CRYBG1: variants seen among roughly 807,000 people sequenced by gnomAD.
The protein encoded by CRYBG1 is crystallin beta-gamma domain containing 1, also known as beta/gamma crystallin domain-containing protein 1.
Under a neutral mutation model 189.2 loss-of-function variants are expected in CRYBG1, and 139 were observed. That is an observed-to-expected ratio of 0.73 (90% confidence interval 0.64 to 0.85). CRYBG1 has a LOEUF of 0.85. CRYBG1 is among the 40% of genes least tolerant of loss of function. The probability of loss-of-function intolerance (pLI) is 0.00; values close to 1 mark genes in which losing one functional copy is unlikely to be tolerated. For synonymous variants in CRYBG1, 1,023 were observed against 1,017.1 expected, an observed-to-expected ratio of 1.01 and a Z score of -0.11; for missense variants, 2,611 against 2,675.8, an observed-to-expected ratio of 0.98 and a Z score of 0.53.
At chr6:106,415,406 G>A (rs545762162) in intron 1 of CRYBG1, among the ~76,000 whole-genome samples, 2 of 152,148 alleles carry the variant, frequency 1.3e-5, no homozygotes, top group Non-Finnish European at 2.9e-5. Flanking sequence ...GCAGGAAATG[G>A]AACAAAAGTC....
intron 20 of CRYBG1, among the ~76,000 whole-genome samples, chr6:106,563,043 C>T (rs778800559): frequency 2.0e-5 from 3 of 152,142 alleles, no homozygotes; most frequent in Non-Finnish European, 4.4e-5. Context: ...GATCCTCTCA[C>T]CTTGGCCTCC....
chr6:106,461,029 C>T (rs111620417), intron 2 of CRYBG1, among the ~76,000 whole-genome samples: 3,638 of 152,252 alleles, frequency 0.024, 150 homozygotes, highest in African/African-American at 0.084. Context: ...TCATGATATG[C>T]CTGCCTCAGC....
At chr6:106,411,138 T>C (rs1770921230) in intron 1 of CRYBG1, among the ~76,000 whole-genome samples, 1 of 152,162 alleles carries the variant, frequency 6.6e-6, no homozygotes, top group Admixed American at 6.5e-5. Context: ...TAAGTAATGT[T>C]TGTACATGAT....
At chr6:106,522,246 C>G (rs1773626891) in intron 4 of CRYBG1, among the ~76,000 whole-genome samples, 1 of 152,232 alleles carries the variant, frequency 6.6e-6, no homozygotes, top group African/African-American at 2.4e-5. Flanking sequence ...ATCCTTCTCT[C>G]TGTGAGATTC....
chr6:106,456,874 C>T (rs932586763), intron 2 of CRYBG1, among the ~76,000 whole-genome samples: 1 of 152,150 alleles, frequency 6.6e-6, no homozygotes, highest in Non-Finnish European at 1.5e-5. Context: ...ATCCCCTGGG[C>T]CATATCTTGT....
chr6:106,524,622 A>G (rs1010225269), intron 4 of CRYBG1, among the ~76,000 whole-genome samples: 3 of 152,234 alleles, frequency 2.0e-5, no homozygotes, highest in Non-Finnish European at 4.4e-5. Flanking sequence ...AATATACCAT[A>G]TATACCATAA....
rs1554193196 is a variant in CRYBG1, at chr6:106,568,714, C to CA, written c.*149dup. 2 of 573,466 alleles carry CA rather than the reference C, an allele frequency of 3.5e-6. No individual in the cohort carries two copies. Among genetic ancestry groups the CA allele is most frequent in the African/African-American group, 3.7e-5 (2 of 53,714 alleles). 35.5% of individuals were successfully genotyped at this position (573,466 alleles called of 1,614,324 possible). On this transcript the variant is annotated 3_prime_UTR_variant, in exon 22 of 22. Transcript: ENST00000633556. ...AACCTTAAATCATGCTGCCATGACT[C>CA]AGAGAACTTACTCATCGTTTCAAAA...
At chr6:106,428,498 A>T (rs1771267900) in intron 1 of CRYBG1, among the ~76,000 whole-genome samples, 1 of 152,206 alleles carries the variant, frequency 6.6e-6, no homozygotes, top group South Asian at 2.1e-4. Context: ...GGAAACTTAT[A>T]AGAATTAAAA....
At chr6:106,566,732 C>T (rs1399079674) in intron 21 of CRYBG1, among the ~76,000 whole-genome samples, 1 of 152,152 alleles carries the variant, frequency 6.6e-6, no homozygotes, top group African/African-American at 2.4e-5. Flanking sequence ...CAGCGCCGCA[C>T]GTCCCACACC....
At chr6:106,505,059 C>T (rs1336093204) in intron 2 of CRYBG1, among the ~76,000 whole-genome samples, 1 of 151,282 alleles carries the variant, frequency 6.6e-6, no homozygotes, top group Admixed American at 6.6e-5. Flanking sequence ...AAGTGATCCT[C>T]CGGCACAGGA....
intron 3 of CRYBG1, among the ~76,000 whole-genome samples, chr6:106,517,065 A>G (rs1011286633): frequency 1.4e-5 from 2 of 139,310 alleles, no homozygotes; most frequent in Non-Finnish European, 3.0e-5. Context: ...GCTGGAGTGC[A>G]GTGGCATGAC....
intron 16 of CRYBG1, among the ~76,000 whole-genome samples, chr6:106,554,441 C>T (rs1416111776): frequency 6.6e-6 from 1 of 152,128 alleles, no homozygotes; most frequent in East Asian, 1.9e-4. Context: ...TGGCAAAACC[C>T]TGTCTTTACT....
intron 13 of CRYBG1, among the ~76,000 whole-genome samples, chr6:106,546,490 A>C (rs929287820): frequency 6.6e-6 from 1 of 152,210 alleles, no homozygotes; most frequent in Non-Finnish European, 1.5e-5. Flanking sequence ...AAGTGTGTAC[A>C]ATGTACTAAA....
intron 3 of CRYBG1, among the ~76,000 whole-genome samples, chr6:106,516,865 C>G (rs1773434850): frequency 6.6e-6 from 1 of 152,080 alleles, no homozygotes; most frequent in Non-Finnish European, 1.5e-5. Context: ...TCAACTTCCT[C>G]AGCCAAAAAT....
chr6:106,423,531 C>A (rs904871600), intron 1 of CRYBG1, among the ~76,000 whole-genome samples: 32 of 151,868 alleles, frequency 2.1e-4, no homozygotes, highest in African/African-American at 7.5e-4. Context: ...TATGTCAGTT[C>A]AAGAGCTGCA....
At chr6:106,381,634 G>A (rs1477238520) in intron 1 of CRYBG1, among the ~76,000 whole-genome samples, 1 of 152,244 alleles carries the variant, frequency 6.6e-6, no homozygotes, top group African/African-American at 2.4e-5. Flanking sequence ...TTGGTAAATA[G>A]AGGTTGATCC....
chr6:106,461,004 C>T (rs1356292648), intron 2 of CRYBG1, among the ~76,000 whole-genome samples: 2 of 152,134 alleles, frequency 1.3e-5, no homozygotes, highest in Non-Finnish European at 2.9e-5. Context: ...CTAGGCTGGT[C>T]CTGAACTCCT....
intron 17 of CRYBG1, among the ~76,000 whole-genome samples, chr6:106,557,784 G>C (rs891131750): frequency 2.6e-5 from 4 of 152,180 alleles, no homozygotes; most frequent in African/African-American, 7.2e-5. Context: ...ACTATCATTA[G>C]AGATTAATGT....
At chr6:106,385,620 G>A (rs571607573) in intron 1 of CRYBG1, among the ~76,000 whole-genome samples, 81 of 152,240 alleles carry the variant, frequency 5.3e-4, no homozygotes, top group Non-Finnish European at 1.6e-4. Context: ...AAACTATATC[G>A]CACAAAAACA....
Sources: allele counts gnomAD v4.1 joint callset (sites outside exome capture counted in the v4.1 genomes callset), GRCh38; gene constraint gnomAD v4.1.1; transcripts MANE v1.5; gene names NCBI Gene and HGNC (gene_info 2026-07-23, HGNC 2026-07-21).